The following GPR141 variants were observed in gnomAD, a reference collection of about 807,000 sequenced individuals.
GPR141 encodes G protein-coupled receptor 141.
In GPR141, 6 loss-of-function variants were observed where a neutral mutation model predicts 6.8. That is an observed-to-expected ratio of 0.88 (90% CI 0.48 to 1.74). The LOEUF is 1.74. Among genes scored for constraint, GPR141 ranks in the 40% most tolerant of loss-of-function variants. The pLI is 0.01. For missense variants in GPR141, 372 were observed against 372.9 expected (o/e 1.00, Z 0.02); for synonymous variants, 140 against 142.3 (o/e 0.98, Z 0.11).
intron 2 of GPR141, among the ~76,000 whole-genome samples, chr7:37,728,481 A>T (rs1811744334): frequency 6.6e-6 from 1 of 151,998 alleles, no homozygotes. Flanking sequence ...ATTTAATGTT[A>T]TTTTTCAGGG....
chr7:37,719,229 G>C (rs1811197807), intron 2 of GPR141, among the ~76,000 whole-genome samples: 1 of 152,132 alleles, frequency 6.6e-6, no homozygotes, highest in African/African-American at 2.4e-5. Flanking sequence ...TGTGTTGATT[G>C]AGCCTAAGGT....
At chr7:37,709,395 T>C (rs1449191846) in intron 2 of GPR141, among the ~76,000 whole-genome samples, 1 of 152,232 alleles carries the variant, frequency 6.6e-6, no homozygotes, top group Admixed American at 6.5e-5. Context: ...TGGAGCATAA[T>C]TTACTTAACT....
At chr7:37,717,826 G>A (rs1054794751) in intron 2 of GPR141, among the ~76,000 whole-genome samples, 3 of 152,154 alleles carry the variant, frequency 2.0e-5, no homozygotes, top group Non-Finnish European at 4.4e-5. Flanking sequence ...CTTCGTTACT[G>A]AACAATCTTT....
intron 2 of GPR141, among the ~76,000 whole-genome samples, chr7:37,712,743 C>A (rs531299287): frequency 6.6e-6 from 1 of 152,166 alleles, no homozygotes; most frequent in Admixed American, 6.5e-5. Context: ...CAAAATGCCA[C>A]CTAATAAGTT....
chr7:37,702,732 A>G (rs535229014), intron 2 of GPR141, among the ~76,000 whole-genome samples: 1 of 150,088 alleles, frequency 6.7e-6, no homozygotes, highest in East Asian at 1.9e-4. Flanking sequence ...AACTTAAAGT[A>G]TAATAAAAAA....
chr7:37,705,588 A>G (rs1810490533), intron 2 of GPR141, among the ~76,000 whole-genome samples: 1 of 152,150 alleles, frequency 6.6e-6, no homozygotes, highest in Admixed American at 6.5e-5. Flanking sequence ...CAAGAAATAA[A>G]GTGAGTTCTC....
chr7:37,693,774 C>T (rs988211612), intron 2 of GPR141, among the ~76,000 whole-genome samples: 4 of 152,168 alleles, frequency 2.6e-5, no homozygotes, highest in African/African-American at 9.7e-5. Flanking sequence ...GCTAGTCCAA[C>T]TCCAGGGAAG....
chr7:37,739,184 G>A (rs118099465), intron 2 of GPR141, among the ~76,000 whole-genome samples: 3,827 of 151,974 alleles, frequency 0.025, 77 homozygotes, highest in Middle Eastern at 0.041. Context: ...TTTATTGCTG[G>A]GTAATATTCC....
intron 2 of GPR141, among the ~76,000 whole-genome samples, chr7:37,720,435 A>G (rs1203015350): frequency 2.0e-5 from 3 of 152,204 alleles, no homozygotes; most frequent in African/African-American, 7.2e-5. Context: ...TTAAGTACTT[A>G]AGAGTTCAAA....
intron 2 of GPR141, among the ~76,000 whole-genome samples, chr7:37,707,451 A>G (rs943160831): frequency 2.0e-5 from 3 of 152,206 alleles, no homozygotes; most frequent in Non-Finnish European, 4.4e-5. Flanking sequence ...GTCATTGATG[A>G]ACTACAGTGT....
chr7:37,711,496 CAGAT>C (rs1693819130), intron 2 of GPR141, among the ~76,000 whole-genome samples: 1 of 152,280 alleles, frequency 6.6e-6, no homozygotes, highest in Non-Finnish European at 1.5e-5. Context: ...CCTGATGTGA[CAGAT>C]AGAGAAGACT....
rs1399727254 is a variant in GPR141, at chr7:37,741,203, G to A, written c.810G>A (p.Leu270=). The A allele has an allele frequency of 4.3e-6, 7 of 1,613,530 alleles. No individual in the cohort carries two copies. Among genetic ancestry groups the A allele is most frequent in the African/African-American group, 1.3e-5 (1 of 74,908 alleles). The change falls in exon 3 of 3, where the codon TTG becomes TTA. Residue 270 remains leucine, a synonymous_variant. Transcript: ENST00000334425. ...TTGCATTTTATAACGAAATCTTCTT[G>A]AGTGTAACAGCAATTAGCTGCTATG... ...SKVAFYNEIF[L]SVTAISCYDL... is the part of the protein sequence containing the mutation.
rs866161987 is a variant in GPR141 at position 37,741,937 on chromosome 7, G to A, written c.*626G>A. ...TAACAAGGGTTTCTAGATTTGTCCT[G>A]TGAAAGGTCGTTTAAGGACTTGGGG... On this transcript the variant is annotated 3_prime_UTR_variant, in exon 3 of 3. Transcript: ENST00000334425. Among the ~76,000 whole-genome samples the A allele has an allele frequency of 6.6e-6, 1 of 152,160 alleles. No individual in the cohort carries two copies. The highest frequency in any genetic ancestry group is 6.5e-5 in the Admixed American group (1 of 15,272).
chr7:37,685,822 A>G (rs1378416737), intron 2 of GPR141, among the ~76,000 whole-genome samples: 2 of 147,686 alleles, frequency 1.4e-5, no homozygotes, highest in East Asian at 4.0e-4. Flanking sequence ...CCAAAATCCA[A>G]TTGTAGTTAA....
At chr7:37,734,341 A>G (rs1420261211) in intron 2 of GPR141, among the ~76,000 whole-genome samples, 1 of 152,244 alleles carries the variant, frequency 6.6e-6, no homozygotes, top group Non-Finnish European at 1.5e-5. Context: ...TGTTCACAGT[A>G]ACACTGCAAA....
chr7:37,691,763 A>G (rs1482957525), intron 2 of GPR141, among the ~76,000 whole-genome samples: 1 of 152,150 alleles, frequency 6.6e-6, no homozygotes, highest in Admixed American at 6.5e-5. Flanking sequence ...TTTTATCTCC[A>G]TTTCTGAAAG....
intron 2 of GPR141, among the ~76,000 whole-genome samples, chr7:37,715,192 C>T (rs764433414): frequency 3.3e-5 from 5 of 152,176 alleles, no homozygotes; most frequent in South Asian, 4.1e-4. Context: ...ATGATCACAG[C>T]GCACTGCAGC....
Position 37,730,207 on chromosome 7 carries a change from G to A in GPR141, c.-14-10173G>A, listed in dbSNP as rs1811853172. ...TCCTCCCTCACTTTCTTGATCTCTCGCTCTCTTTCATGAATTCACTGAATC... is the reference window on the plus strand; with the variant it reads ...TCCTCCCTCACTTTCTTGATCTCTCACTCTCTTTCATGAATTCACTGAATC... On this transcript the variant is annotated intron_variant, in intron 2 of 2. Transcript: ENST00000334425. 4.7e-5 allele frequency among the ~76,000 whole-genome samples: 7 copies of A among 149,740 alleles called. No individual in the cohort carries two copies. The South Asian group carries it at 8.6e-4, about 18-fold the overall frequency.
intron 2 of GPR141, among the ~76,000 whole-genome samples, chr7:37,702,401 A>G (rs1562771036): frequency 6.8e-6 from 1 of 147,210 alleles, no homozygotes; most frequent in East Asian, 2.0e-4. Context: ...TTCTTTTTTA[A>G]TCAAGTAAAC....
Sources: allele counts gnomAD v4.1 joint callset (sites outside exome capture counted in the v4.1 genomes callset), GRCh38; gene constraint gnomAD v4.1.1; transcripts MANE v1.5; gene names NCBI Gene and HGNC (gene_info 2026-07-23, HGNC 2026-07-21).